PIEZO2: variants seen among roughly 807,000 people sequenced by gnomAD.
PIEZO2 encodes piezo-type mechanosensitive ion channel component 2.
A neutral mutation model predicts 337.3 loss-of-function variants in PIEZO2; 172 were observed. The ratio of observed to expected loss-of-function variants is 0.51; its 90% confidence interval spans 0.45 to 0.58. PIEZO2 has a LOEUF of 0.58. Ranked by LOEUF, PIEZO2 falls within the 20% of genes least tolerant of loss-of-function variation. The probability of loss-of-function intolerance (pLI) is 0.00; values close to 1 mark genes in which losing one functional copy is unlikely to be tolerated. For synonymous variants in PIEZO2, 1,251 were observed against 1,228.5 expected (o/e 1.02, Z -0.38); for missense variants, 3,028 against 3,391.3 (o/e 0.89, Z 2.66).
At position 10,746,078 on chromosome 18, in the gene PIEZO2, C is replaced by T. The variant is rs1018907182; in HGVS notation, c.4425-1847G>A. Among the ~76,000 whole-genome samples, 4 of 152,196 alleles carry T rather than the reference C, an allele frequency of 2.6e-5. No homozygotes were observed. Among genetic ancestry groups the T allele is most frequent in the African/African-American group, 9.7e-5 (4 of 41,442 alleles). On this transcript the variant is annotated intron_variant, in intron 30 of 55. Coordinates refer to ENST00000674853, the MANE Select transcript of PIEZO2 (RefSeq NM_001378183.1). The surrounding 1 kb of genome is among the most constrained non-coding windows in gnomAD (Gnocchi z 4.2). ...TCTTTCTCAGTGATCCTATCCTGGT[C>T]TAGCTGCTATCTCTACCCTGGATTA...
At chr18:10,695,571 G>A (rs2035044721) in intron 47 of PIEZO2, among the ~76,000 whole-genome samples, 1 of 152,134 alleles carries the variant, frequency 6.6e-6, no homozygotes, top group African/African-American at 2.4e-5. Context: ...CCTCGCTGCA[G>A]TTAACCCCCA....
rs1405895022 is a variant in PIEZO2, at chr18:10,789,363, C to A, written c.1885G>T (p.Glu629Ter). 4.6e-6 allele frequency: 7 copies of A among 1,534,292 alleles called. No homozygotes were observed. The Admixed American group carries it at 1.2e-4, about 26-fold the overall frequency. Residue 629 changes from glutamate to a stop codon, truncating the protein, a stop_gained and splice_region_variant, in exon 15 of 56, where the codon GAG becomes TAG. Transcript: ENST00000674853. LOFTEE classifies it high-confidence loss of function. ...IGSQENEEKD[E>*]ELQDIQVEGE... ...TCCACTTGTATATCTTGAAGTTCCT[C>A]ATCTTCAAATAGAAAACTGTGCTGT...
At position 10,704,753 on chromosome 18, in the gene PIEZO2, T is replaced by C. The variant is rs1036964585; in HGVS notation, c.6000-101A>G. On this transcript the variant is annotated intron_variant, in intron 41 of 55. Transcript: ENST00000674853. Reference sequence around the variant, plus strand: ...AGGCTGGAGTGCAATGGCGTGATCTTGGCTCACTGCAACCTCCGCCTCCCG... The same window carrying C: ...AGGCTGGAGTGCAATGGCGTGATCTCGGCTCACTGCAACCTCCGCCTCCCG... 5 of 1,356,656 alleles carry C rather than the reference T, an allele frequency of 3.7e-6. No individual in the cohort carries two copies. The Admixed American group carries it at 9.0e-5, about 24-fold the overall frequency. The allele number at this position is 1,356,656 out of a possible 1,614,324, so 84.0% of individuals were successfully genotyped here.
At chr18:10,689,051 A>G (rs769856107) in intron 49 of PIEZO2, among the ~76,000 whole-genome samples, 1 of 152,204 alleles carries the variant, frequency 6.6e-6, no homozygotes, top group Non-Finnish European at 1.5e-5. Context: ...CAAGGAGGGT[A>G]TTTTGAGACG....
rs1449507970 is a variant in PIEZO2 at position 10,813,409 on chromosome 18, C to G, written c.918-6135G>C. Among the ~76,000 whole-genome samples the G allele has an allele frequency of 6.6e-6, 1 of 152,188 alleles. No individual in the cohort carries two copies. The highest frequency in any genetic ancestry group is 1.5e-5 in the Non-Finnish European group (1 of 68,038). ...ACACATTAAATAAAAACTCCCTATTCCCTTCTCCTCCCAGGCCCTGGAAAC... is the reference window on the plus strand; with the variant it reads ...ACACATTAAATAAAAACTCCCTATTGCCTTCTCCTCCCAGGCCCTGGAAAC... On this transcript the variant is annotated intron_variant, in intron 7 of 55. Coordinates refer to ENST00000674853, the MANE Select transcript of PIEZO2 (RefSeq NM_001378183.1). This position sits in a 1 kb window ranked among gnomAD's most constrained non-coding sequence, Gnocchi z 4.2.
rs566054545 is a variant in PIEZO2 at position 10,993,199 on chromosome 18, A to G, written c.161-13539T>C. On this transcript the variant is annotated intron_variant, in intron 2 of 55. Transcript: ENST00000674853. The surrounding 1 kb of genome is among the most constrained non-coding windows in gnomAD (Gnocchi z 5.0). ...AGACACTTTGACTTCCTCTTTTCCT[A>G]TTTGAATACGCTTTATTTCCTTCTC... Among the ~76,000 whole-genome samples, 207 of 152,186 alleles carry G rather than the reference A, an allele frequency of 1.4e-3. No individual in the cohort carries two copies. Among genetic ancestry groups the G allele is most frequent in the Non-Finnish European group, 2.3e-3 (159 of 68,020 alleles).
chr18:10,876,793 T>TG (rs1409486594), intron 4 of PIEZO2, among the ~76,000 whole-genome samples: 1 of 152,182 alleles, frequency 6.6e-6, no homozygotes, highest in Non-Finnish European at 1.5e-5. Context: ...ACTCACTACA[T>TG]GGGCTCCCCT....
chr18:11,100,425 A>G (rs1212594795), intron 1 of PIEZO2, among the ~76,000 whole-genome samples: 1 of 152,230 alleles, frequency 6.6e-6, no homozygotes, highest in Non-Finnish European at 1.5e-5. Flanking sequence ...GTGATGATGG[A>G]GAAGATCTAA....
At position 11,116,940 on chromosome 18, in the gene PIEZO2, C is replaced by G. The variant is rs1166882660; in HGVS notation, c.64+31585G>C. On this transcript the variant is annotated intron_variant, in intron 1 of 55. Transcript: ENST00000674853. This position sits in a 1 kb window ranked among gnomAD's most constrained non-coding sequence, Gnocchi z 5.0. Reference sequence around the variant, plus strand: ...CCTGACCAACATGATGAAACCCTGTCTCTACTAAAAATATAAAAATTAGCC... The same window carrying G: ...CCTGACCAACATGATGAAACCCTGTGTCTACTAAAAATATAAAAATTAGCC... Among the ~76,000 whole-genome samples, 1 of 151,902 alleles carries G rather than the reference C, an allele frequency of 6.6e-6. No individual in the cohort carries two copies. The highest frequency in any genetic ancestry group is 1.5e-5 in the Non-Finnish European group (1 of 67,988).
chr18:11,148,429 C>A lies in PIEZO2; in HGVS notation c.64+96G>T, dbSNP rs1007373114. ...CGCCGCTGGCCTCCCGAATCGAACC[C>A]CAGAGCACCAGAGCCCTTCACTTTG... On this transcript the variant is annotated intron_variant, in intron 1 of 55. Transcript: ENST00000674853. This position sits in a 1 kb window ranked among gnomAD's most constrained non-coding sequence, Gnocchi z 5.2. 1.0e-5 allele frequency: 14 copies of A among 1,386,444 alleles called. No homozygotes were observed. The highest frequency in any genetic ancestry group is 1.4e-5 in the Non-Finnish European group (14 of 1,014,412). The allele number at this position is 1,386,444 out of a possible 1,614,324, so 85.9% of individuals were successfully genotyped here.
Position 10,736,600 on chromosome 18 carries a change from T to C in PIEZO2, c.4815+4A>G, listed in dbSNP as rs769442968. ...AGCAAAGAAATGATTTTCCCCATAATTACCTGGAATGCTGACCTTCGTGGA... is the reference window on the plus strand; with the variant it reads ...AGCAAAGAAATGATTTTCCCCATAACTACCTGGAATGCTGACCTTCGTGGA... On this transcript the variant is annotated splice_donor_region_variant and intron_variant, in intron 34 of 55. Transcript: ENST00000674853. 4 of 1,536,762 alleles carry C rather than the reference T, an allele frequency of 2.6e-6. No homozygotes were observed. Among genetic ancestry groups the C allele is most frequent in the South Asian group, 1.2e-5 (1 of 83,926 alleles).
At chr18:10,972,812 C>A (rs1460575903) in intron 3 of PIEZO2, among the ~76,000 whole-genome samples, 1 of 152,254 alleles carries the variant, frequency 6.6e-6, no homozygotes, top group East Asian at 1.9e-4. Flanking sequence ...AGAATTAGGA[C>A]TTCTCTAATA....
intron 8 of PIEZO2, among the ~76,000 whole-genome samples, chr18:10,805,577 A>G (rs894525820): frequency 6.6e-5 from 10 of 152,276 alleles, no homozygotes; most frequent in African/African-American, 2.4e-4. Flanking sequence ...GAATATATAC[A>G]TATACATATG....
intron 14 of PIEZO2, among the ~76,000 whole-genome samples, chr18:10,790,520 CCT>C (rs1291136740): frequency 6.6e-6 from 1 of 152,094 alleles, no homozygotes; most frequent in Non-Finnish European, 1.5e-5. Flanking sequence ...ACATCATCAT[CCT>C]CTGTTTTTAC....
At chr18:10,880,430 A>G (rs2042380364) in intron 4 of PIEZO2, among the ~76,000 whole-genome samples, 1 of 152,164 alleles carries the variant, frequency 6.6e-6, no homozygotes, top group African/African-American at 2.4e-5. Context: ...AATACCCAAA[A>G]TAAGGCAGCA....
Position 10,868,294 on chromosome 18 carries a change from T to C in PIEZO2, c.492+2959A>G, listed in dbSNP as rs143345505. On this transcript the variant is annotated intron_variant, in intron 5 of 55. Transcript: ENST00000674853. ...TCCTTAAAAACCAAACATTCTAGAGTGCAAACTCCAAGATTTATAAGCAGC... is the reference window on the plus strand; with the variant it reads ...TCCTTAAAAACCAAACATTCTAGAGCGCAAACTCCAAGATTTATAAGCAGC... Among the ~76,000 whole-genome samples the C allele has an allele frequency of 1.3e-3, 193 of 152,200 alleles. 2 individuals carry two copies. The highest frequency in any genetic ancestry group is 4.4e-3 in the African/African-American group (181 of 41,516).
Position 10,759,848 on chromosome 18 carries a change from T to G in PIEZO2, c.3512A>C (p.His1171Pro). 6.5e-7 allele frequency: 1 copy of G among 1,537,440 alleles called. No individual in the cohort carries two copies. Among genetic ancestry groups the G allele is most frequent in the Non-Finnish European group, 8.7e-7 (1 of 1,146,970 alleles). Residue 1171 changes from histidine (H) to proline (P), a missense_variant, in exon 25 of 56, where the codon CAC (histidine) becomes CCC (proline). Physicochemically the swap from His to Pro is moderately conservative, Grantham distance 77 (BLOSUM62 -2). Transcript: ENST00000674853. This position sits in a 1 kb window ranked among gnomAD's most constrained non-coding sequence, Gnocchi z 5.5. The stretch of plus-strand genomic sequence containing the variant: ...TAAGACAGCGATCAGCCAGCAGGCG[T>G]GGATCATGGCATAGAAATCCATTCG... Reference protein sequence around the residue: ...GQRMDFYAMIHACWLIAVLYR... With the variant: ...GQRMDFYAMIPACWLIAVLYR...
intron 2 of PIEZO2, among the ~76,000 whole-genome samples, chr18:10,996,947 A>G (rs1473309724): frequency 6.6e-6 from 1 of 152,162 alleles, no homozygotes; most frequent in Non-Finnish European, 1.5e-5. Context: ...CTAAAGATTA[A>G]AGGAAAAATC....
rs2038608894 is a variant in PIEZO2 at position 11,078,064 on chromosome 18, ACAC to A, written c.65-11845_65-11843del. Among the ~76,000 whole-genome samples, 4 of 149,770 alleles carry A rather than the reference ACAC, an allele frequency of 2.7e-5. No homozygotes were observed. The highest frequency in any genetic ancestry group is 6.6e-5 in the Admixed American group (1 of 15,044). ...CACACACCCACACACACACACACAC[ACAC>A]CACACACACAAAAACAAACATACAC... On this transcript the variant is annotated intron_variant, in intron 1 of 55. Transcript: ENST00000674853. This position sits in a 1 kb window ranked among gnomAD's most constrained non-coding sequence, Gnocchi z 5.3.
Sources: allele counts gnomAD v4.1 joint callset (sites outside exome capture counted in the v4.1 genomes callset), GRCh38; gene constraint gnomAD v4.1.1; non-coding constraint Gnocchi (gnomAD v3.1); transcripts MANE v1.5; gene names NCBI Gene and HGNC (gene_info 2026-07-23, HGNC 2026-07-21).